The following ALMS1 variants were observed in gnomAD, a reference collection of about 807,000 sequenced individuals.
ALMS1 encodes the protein ALMS1 centrosome and basal body associated protein.
A neutral mutation model predicts 352.2 loss-of-function variants in ALMS1; 271 were observed. The ratio of observed to expected loss-of-function variants is 0.77; its 90% CI spans 0.70 to 0.85. ALMS1 has a LOEUF of 0.85. Among genes scored for constraint, ALMS1 ranks in the 40% least tolerant of loss-of-function variants. The pLI, the probability that ALMS1 is intolerant of heterozygous loss-of-function variation, is 0.00. For missense variants in ALMS1, 5,445 were observed against 4,870.7 expected (o/e 1.12, Z -3.51); for synonymous variants, 1,865 against 1,761.2 (o/e 1.06, Z -1.48).
In ALMS1 at chr2:73,559,240, A is replaced by G; in HGVS notation, c.10384+98A>G. 3 of 1,426,294 alleles carry G rather than the reference A, an allele frequency of 2.1e-6. No individual in the cohort carries two copies. The South Asian group carries it at 3.9e-5, about 19-fold the overall frequency. The allele number at this position is 1,426,294 out of a possible 1,614,324, so 88.4% of individuals were successfully genotyped here. Reference sequence around the variant, plus strand: ...TTCATTCTGATGAGAATATAGCCTCATGATTAAACAAAAATTCCTTTTCTT... The same window carrying G: ...TTCATTCTGATGAGAATATAGCCTCGTGATTAAACAAAAATTCCTTTTCTT... On this transcript the variant is annotated intron_variant, in intron 15 of 22. Coordinates refer to ENST00000613296, the MANE Select transcript of ALMS1 (RefSeq NM_001378454.1).
chr2:73,488,835 A>C (rs1038788054), intron 9 of ALMS1, among the ~76,000 whole-genome samples: 2 of 152,210 alleles, frequency 1.3e-5, no homozygotes, highest in East Asian at 3.8e-4. Flanking sequence ...GAAATGTTAT[A>C]TTTATGGTAG....
intron 1 of ALMS1, among the ~76,000 whole-genome samples, chr2:73,405,476 T>C (rs1244093244): frequency 6.6e-6 from 1 of 152,090 alleles, no homozygotes; most frequent in Non-Finnish European, 1.5e-5. Flanking sequence ...CCTTTTTTTT[T>C]CTCAGTCAGT....
At chr2:73,535,200 G>C (rs1674001861) in intron 12 of ALMS1, among the ~76,000 whole-genome samples, 1 of 152,266 alleles carries the variant, frequency 6.6e-6, no homozygotes, top group East Asian at 1.9e-4. Flanking sequence ...CTAGGGCAAA[G>C]TTTCTAAGCT....
intron 10 of ALMS1, among the ~76,000 whole-genome samples, chr2:73,510,040 T>G (rs1212182807): frequency 6.6e-6 from 1 of 152,222 alleles, no homozygotes; most frequent in Non-Finnish European, 1.5e-5. Flanking sequence ...CTTCTCGAAT[T>G]TCTCATGCTG....
intron 6 of ALMS1, 40 bp downstream of exon 6, chr2:73,426,593 T>C (rs775867392): frequency 1.3e-6 from 2 of 1,568,028 alleles, no homozygotes; most frequent in South Asian, 2.2e-5. Context: ...AAACGTGGCC[T>C]TTTTCAGTAT....
At chr2:73,535,116 A>G (rs1220762643) in intron 12 of ALMS1, among the ~76,000 whole-genome samples, 167 bp downstream of exon 12, 2 of 152,218 alleles carry the variant, frequency 1.3e-5, no homozygotes, top group African/African-American at 2.4e-5. Context: ...TTGATCAGAT[A>G]TATACACATA....
At chr2:73,398,508 G>C (rs1264901686) in intron 1 of ALMS1, among the ~76,000 whole-genome samples, 1 of 152,140 alleles carries the variant, frequency 6.6e-6, no homozygotes, top group South Asian at 2.1e-4. Context: ...GATTGGGATT[G>C]CGTTGATCTT....
chr2:73,487,220 T>C (rs923665128), intron 9 of ALMS1, among the ~76,000 whole-genome samples: 2 of 152,164 alleles, frequency 1.3e-5, no homozygotes, highest in African/African-American at 4.8e-5. Flanking sequence ...ACTACTATGC[T>C]ATGTCTTACA....
chr2:73,429,278 C>CTT (rs5832107), intron 6 of ALMS1, among the ~76,000 whole-genome samples: 50 of 102,684 alleles, frequency 4.9e-4, no homozygotes, highest in East Asian at 7.3e-4. Context: ...AATTAATATG[C>CTT]TTTTTTTTTT....
At position 73,450,394 on chromosome 2, in the gene ALMS1, T is replaced by C. The variant is rs369314182; in HGVS notation, c.3867T>C (p.Tyr1289=). Residue 1289 remains tyrosine (Y), a synonymous_variant, in exon 8 of 23, where the codon TAT becomes TAC. Coordinates refer to ENST00000613296, the MANE Select transcript of ALMS1 (RefSeq NM_001378454.1). The part of the protein sequence containing the change: ...PAVTSTSYSQ[Y]REKPSIFYQQ... ...TAACCTCTACTTCCTACTCACAATA[T>C]AGAGAGAAGCCCAGCATTTTCTACC... is the stretch of plus-strand genomic sequence containing the variant. 50 of 1,612,244 alleles carry C rather than the reference T, an allele frequency of 3.1e-5. No individual in the cohort carries two copies. The African/African-American group carries it at 6.6e-4, about 21-fold the overall frequency.
At chr2:73,462,735 A>C (rs1407967468) in intron 9 of ALMS1, 1 of 152,224 alleles carries the variant, frequency 6.6e-6, no homozygotes, top group African/African-American at 2.4e-5. Context: ...AGACACACAT[A>C]GGCTCAAAAT....
chr2:73,510,705 G>C (rs1026389594), intron 10 of ALMS1, among the ~76,000 whole-genome samples: 1 of 152,228 alleles, frequency 6.6e-6, no homozygotes, highest in Non-Finnish European at 1.5e-5. Context: ...GGACCCACTT[G>C]TGGAGGCATT....
chr2:73,514,778 G>T (rs1441715435), intron 10 of ALMS1, among the ~76,000 whole-genome samples: 2 of 151,968 alleles, frequency 1.3e-5, no homozygotes, highest in East Asian at 3.9e-4. Flanking sequence ...TATTTGTTTG[G>T]TTTAAGAAAT....
chr2:73,522,689 G>C (rs1417872979), intron 11 of ALMS1, among the ~76,000 whole-genome samples: 1 of 152,050 alleles, frequency 6.6e-6, no homozygotes, highest in Non-Finnish European at 1.5e-5. Context: ...GGATGATCTC[G>C]ATCTCTTGAC....
chr2:73,601,358 C>G lies in ALMS1; in HGVS notation c.12036C>G (p.Asp4012Glu). ...AGAACTGTCAGGGGCAGCACCTGGA[C>G]GGTCGGGGCTACCTGGCAGGCCCAG... Reference protein sequence around the residue: ...REQNCQGQHLDGRGYLAGPGR... With the variant: ...REQNCQGQHLEGRGYLAGPGR... The change falls in exon 19 of 23, where the codon GAC becomes GAG. Residue 4012 changes from aspartate (D) to glutamate (E), a missense_variant. Asp to Glu is a conservative substitution (Grantham distance 45). Coordinates refer to ENST00000613296, the MANE Select transcript of ALMS1 (RefSeq NM_001378454.1). 1 of 1,614,134 alleles carries G rather than the reference C, an allele frequency of 6.2e-7. No individual in the cohort carries two copies. Among genetic ancestry groups the G allele is most frequent in the Non-Finnish European group, 8.5e-7 (1 of 1,179,986 alleles).
At chr2:73,426,335 G>T in intron 5 of ALMS1, 118 bp from the exon 6 acceptor site, 1 of 968,520 alleles carries the variant, frequency 1.0e-6, no homozygotes, top group Non-Finnish European at 1.7e-6. Context: ...ATTAATTGCA[G>T]TCGCCCAAGA....
At chr2:73,603,154 G>A in intron 20 of ALMS1, 87 bp from the exon 21 acceptor site, 2 of 1,296,244 alleles carry the variant, frequency 1.5e-6, no homozygotes, top group South Asian at 1.2e-5. Context: ...GGGGCACCAA[G>A]TCCTAGCAGC....
intron 16 of ALMS1, among the ~76,000 whole-genome samples, chr2:73,595,033 C>T (rs1675516229): frequency 6.6e-6 from 1 of 152,186 alleles, no homozygotes; most frequent in South Asian, 2.1e-4. Flanking sequence ...CTTTTGAACT[C>T]CTTAAATCTT....
intron 16 of ALMS1, among the ~76,000 whole-genome samples, chr2:73,574,454 G>C (rs913578060): frequency 6.6e-6 from 1 of 152,102 alleles, no homozygotes; most frequent in Non-Finnish European, 1.5e-5. Context: ...TATGAGTACA[G>C]TAGTGACATA....
Sources: allele counts gnomAD v4.1 joint callset (sites outside exome capture counted in the v4.1 genomes callset), GRCh38; gene constraint gnomAD v4.1.1; transcripts MANE v1.5; gene names NCBI Gene and HGNC (gene_info 2026-07-23, HGNC 2026-07-21).